Variants in ZCWPW1 observed in about 807,000 individuals in gnomAD.
ZCWPW1 encodes the protein zinc finger CW-type and PWWP domain containing 1, also known as zinc finger CW-type PWWP domain protein 1.
Under a neutral mutation model 81.3 loss-of-function variants are expected in ZCWPW1, and 56 were observed. The observed-to-expected ratio is 0.69, with a 90% CI of 0.56 to 0.86. ZCWPW1 has a LOEUF of 0.86. ZCWPW1 is among the 40% of genes least tolerant of loss of function. The probability of loss-of-function intolerance (pLI) is 0.00; values close to 1 mark genes in which losing one functional copy is unlikely to be tolerated. For missense variants in ZCWPW1, 650 were observed against 769.8 expected, an observed-to-expected ratio of 0.84 and a Z score of 1.84; for synonymous variants, 250 against 273.7, an observed-to-expected ratio of 0.91 and a Z score of 0.86.
At chr7:100,402,358 G>A (rs1792089205) in intron 16 of ZCWPW1, 158 bp downstream of exon 16, 1 of 899,324 alleles carries the variant, frequency 1.1e-6, no homozygotes, top group East Asian at 2.4e-5. Context: ...AGAAGCAAAG[G>A]GGTTCCAGCT....
rs1243594089 is a variant in ZCWPW1 at position 100,404,177 on chromosome 7, C to T, written c.1321+1G>A. 6.2e-7 allele frequency: 1 copy of T among 1,614,096 alleles called. No homozygotes were observed. Among genetic ancestry groups the T allele is most frequent in the Non-Finnish European group, 8.5e-7 (1 of 1,179,966 alleles). On this transcript the variant is annotated splice_donor_variant, in intron 14 of 17. Transcript: ENST00000684423. LOFTEE classifies it high-confidence loss of function. Reference sequence around the variant, plus strand: ...CAGTCCTCAACCTCCATTTATCCTACCTTTTCTTTCCCCATTACTGTTAGA... The same window carrying T: ...CAGTCCTCAACCTCCATTTATCCTATCTTTTCTTTCCCCATTACTGTTAGA...
intron 13 of ZCWPW1, 127 bp from the exon 14 acceptor site, chr7:100,404,371 T>A: frequency 1.1e-6 from 1 of 901,190 alleles, no homozygotes; most frequent in Non-Finnish European, 1.7e-6. Context: ...ATCATTATTA[T>A]TATTTTTGAG....
chr7:100,408,043 C>T (rs1636992), intron 10 of ZCWPW1, among the ~76,000 whole-genome samples: 3 of 152,102 alleles, frequency 2.0e-5, no homozygotes, highest in African/African-American at 4.8e-5. Flanking sequence ...CTCTGCCTCC[C>T]GGATTCAAGT....
chr7:100,417,177 C>T lies in ZCWPW1; in HGVS notation c.368G>A (p.Gly123Glu), dbSNP rs1467929367. 6.2e-7 allele frequency: 1 copy of T among 1,613,354 alleles called. No individual in the cohort carries two copies. Among genetic ancestry groups the T allele is most frequent in the African/African-American group, 1.3e-5 (1 of 74,842 alleles). ...AGTCTCTGCAAAATCAAGGCCAGAT[C>T]CCATCCCTCCCAAAACAAAATACTA... is the stretch of plus-strand genomic sequence containing the variant. ...QKSLQECLGM[G>E]SGLDFAETSC... The change falls in exon 6 of 18, where the codon GGA (glycine) becomes GAA (glutamate). Residue 123 changes from glycine (G) to glutamate (E), a missense_variant. By Grantham distance (98) the Gly-to-Glu change is moderately conservative. Transcript: ENST00000684423.
At chr7:100,402,405 C>T in intron 16 of ZCWPW1, 111 bp downstream of exon 16, 2 of 1,215,046 alleles carry the variant, frequency 1.6e-6, no homozygotes, top group Non-Finnish European at 1.2e-6. Context: ...CCTGTTTTCT[C>T]AGGTCCTGGC....
chr7:100,420,741 T>A, intron 2 of ZCWPW1, 63 bp from the exon 3 acceptor site: 1 of 1,530,506 alleles, frequency 6.5e-7, no homozygotes, highest in Non-Finnish European at 9.0e-7. Flanking sequence ...ACTTTCTGTC[T>A]ACTTGGGTTC....
At chr7:100,404,091 A>T (rs544603126) in intron 14 of ZCWPW1, 87 bp downstream of exon 14, 1 of 1,373,780 alleles carries the variant, frequency 7.3e-7, no homozygotes, top group Admixed American at 2.0e-5. Flanking sequence ...ATGATAGAGA[A>T]TATAAAATAA....
In ZCWPW1 at chr7:100,411,327, C is replaced by T. The variant is rs184792215; in HGVS notation, c.755-1783G>A. On this transcript the variant is annotated intron_variant, in intron 8 of 17. Coordinates refer to ENST00000684423, the MANE Select transcript of ZCWPW1 (RefSeq NM_001386010.1). Reference sequence around the variant, plus strand: ...TGTTGCCCAGGCTCAAGTGCGGTGGCGCAATCTCGGGTCACTGCAGCCTCC... The same window carrying T: ...TGTTGCCCAGGCTCAAGTGCGGTGGTGCAATCTCGGGTCACTGCAGCCTCC... Among the ~76,000 whole-genome samples, 225 of 151,422 alleles carry T rather than the reference C, an allele frequency of 1.5e-3. 1 individual carries two copies. Among genetic ancestry groups the T allele is most frequent in the Middle Eastern group, 6.8e-3 (2 of 294 alleles).
At position 100,401,086 on chromosome 7, in the gene ZCWPW1, C is replaced by A. The variant is rs775228992; in HGVS notation, c.1878G>T (p.Leu626=). 69 of 1,614,114 alleles carry A rather than the reference C, an allele frequency of 4.3e-5. No homozygotes were observed. Among genetic ancestry groups the A allele is most frequent in the Non-Finnish European group, 5.6e-5 (66 of 1,180,034 alleles). The change falls in exon 18 of 18, where the codon CTG becomes CTT. Residue 626 remains leucine, a synonymous_variant. Coordinates refer to ENST00000684423, the MANE Select transcript of ZCWPW1 (RefSeq NM_001386010.1). ...TGTGCTGCAGCTCCCCGCTCTGCCC[C>A]AGCTCTCTCCCAACATCTTCCATGA... ...EQLMEDVGRE[L]GQSGELQHSN...
chr7:100,401,614 G>A (rs1791910350), intron 17 of ZCWPW1, among the ~76,000 whole-genome samples: 1 of 152,186 alleles, frequency 6.6e-6, no homozygotes, highest in African/African-American at 2.4e-5. Flanking sequence ...ATTTAAAGGA[G>A]CAGGCATGGA....
rs912893072 is a variant in ZCWPW1, at chr7:100,420,498, G to A, written c.28+124C>T. On this transcript the variant is annotated intron_variant, in intron 3 of 17. Transcript: ENST00000684423. The stretch of plus-strand genomic sequence containing the variant: ...TATTTCACTCAAAGCATCTAGCAGA[G>A]CAGTAATTTGACCTGAGTGGGCACA... 3.9e-6 allele frequency: 4 copies of A among 1,038,332 alleles called. No homozygotes were observed. The African/African-American group carries it at 6.4e-5, about 17-fold the overall frequency. 64.3% of individuals were successfully genotyped at this position (1,038,332 alleles called of 1,614,324 possible). A position where few individuals can be genotyped will look rare whatever the true frequency, so the allele number is the denominator to read the frequency against.
intron 5 of ZCWPW1, chr7:100,417,414 T>C: frequency 2.2e-6 from 1 of 458,658 alleles, no homozygotes; most frequent in Non-Finnish European, 3.9e-6. Context: ...AATGATAATT[T>C]TGTGTACATA....
chr7:100,426,669 T>C (rs1797411606), intron 1 of ZCWPW1, among the ~76,000 whole-genome samples: 2 of 136,138 alleles, frequency 1.5e-5, no homozygotes, highest in African/African-American at 2.8e-5. Context: ...CCTTTACTCC[T>C]TCCTCCCTCT....
At chr7:100,402,728 G>A (rs1426111025) in intron 15 of ZCWPW1, 152 bp from the exon 16 acceptor site, 5 of 786,616 alleles carry the variant, frequency 6.4e-6, no homozygotes, top group Non-Finnish European at 4.4e-6. Context: ...GCAACACAGA[G>A]AAAAATGTAT....
At position 100,420,640 on chromosome 7, in the gene ZCWPW1, T is replaced by C. The variant is rs1303693889; in HGVS notation, c.10A>G (p.Thr4Ala). The change falls in exon 3 of 18, where the codon ACG becomes GCG. Residue 4 changes from threonine (T) to alanine (A), a missense_variant. By Grantham distance (58) the Thr-to-Ala change is moderately conservative. Transcript: ENST00000684423. Reference protein sequence around the residue: MMTTLQNKEECGKG... With the variant: MMTALQNKEECGKG... ...GACTCACCTTCTTTATTCTGCAACG[T>C]TGTCATCATTCAGCTTAGAAACTAC... 6.2e-7 allele frequency: 1 copy of C among 1,614,140 alleles called. No individual in the cohort carries two copies. Among genetic ancestry groups the C allele is most frequent in the Non-Finnish European group, 8.5e-7 (1 of 1,180,032 alleles).
chr7:100,425,764 A>T (rs181765649), intron 1 of ZCWPW1, among the ~76,000 whole-genome samples: 14 of 152,320 alleles, frequency 9.2e-5, no homozygotes, highest in Non-Finnish European at 1.9e-4. Flanking sequence ...CTTCATGCTA[A>T]ATTTTCTTTT....
At position 100,419,754 on chromosome 7, in the gene ZCWPW1, A is replaced by G; in HGVS notation, c.158T>C (p.Ile53Thr). The G allele has an allele frequency of 6.2e-7, 1 of 1,614,102 alleles. No homozygotes were observed. ...GISSPETEARISLPKASLKKK... is the reference protein window; with the variant it reads ...GISSPETEARTSLPKASLKKK... ...CTTTAAACTGGCCTTTGGCAGGCTTATCCTGGCCTCTGTCTCTGGGGAACT... is the reference window on the plus strand; with the variant it reads ...CTTTAAACTGGCCTTTGGCAGGCTTGTCCTGGCCTCTGTCTCTGGGGAACT... The change falls in exon 4 of 18, where the codon ATA becomes ACA. Residue 53 changes from isoleucine to threonine, a missense_variant. Coordinates refer to ENST00000684423, the MANE Select transcript of ZCWPW1 (RefSeq NM_001386010.1).
chr7:100,409,303 C>T, intron 9 of ZCWPW1, 125 bp downstream of exon 9: 2 of 751,400 alleles, frequency 2.7e-6, no homozygotes, highest in South Asian at 3.8e-5. Flanking sequence ...CTTCCTCTCT[C>T]CCAAGCACTA....
chr7:100,418,187 C>T (rs1795698973), intron 5 of ZCWPW1, among the ~76,000 whole-genome samples: 1 of 152,052 alleles, frequency 6.6e-6, no homozygotes, highest in Non-Finnish European at 1.5e-5. Context: ...ACCTGGCCTC[C>T]CTCACTGCGT....
Sources: gnomAD v4.1 joint callset for allele counts (sites outside exome capture counted in the v4.1 genomes callset) on GRCh38, gnomAD v4.1.1 for gene constraint, MANE v1.5 for transcripts, NCBI Gene and HGNC (gene_info 2026-07-23, HGNC 2026-07-21) for gene names.